FKBP5: variants seen among roughly 807,000 people sequenced by gnomAD.
FKBP5 encodes the protein FKBP prolyl isomerase 5.
A neutral mutation model predicts 50.5 loss-of-function variants in FKBP5; 23 were observed. That is an observed-to-expected ratio of 0.46 (90% confidence interval 0.33 to 0.65). The LOEUF (loss-of-function observed/expected upper bound fraction) is 0.65. FKBP5 is among the 30% of genes least tolerant of loss of function. FKBP5 has a pLI of 0.02. For synonymous variants in FKBP5, 176 were observed against 190.6 expected (o/e 0.92, Z 0.63); for missense variants, 411 against 553.1 (o/e 0.74, Z 2.58).
At chr6:35,688,418 G>A (rs1211202440) in intron 1 of FKBP5, among the ~76,000 whole-genome samples, 1 of 152,062 alleles carries the variant, frequency 6.6e-6, no homozygotes, top group Non-Finnish European at 1.5e-5. Flanking sequence ...GACCGGAGGC[G>A]GAGCGGGACC....
At chr6:35,576,020 C>G in intron 10 of FKBP5, 78 bp from the exon 11 acceptor site, 1 of 1,012,456 alleles carries the variant, frequency 9.9e-7, no homozygotes, top group Non-Finnish European at 1.6e-6. Flanking sequence ...GACTGTGTAT[C>G]AGGTCCCAAA....
intron 5 of FKBP5, among the ~76,000 whole-genome samples, chr6:35,602,269 T>TA (rs1763169306): frequency 6.6e-6 from 1 of 152,016 alleles, no homozygotes; most frequent in Non-Finnish European, 1.5e-5. Context: ...CTCCATAACT[T>TA]AAAAAACAAA....
At chr6:35,581,820 A>G in intron 8 of FKBP5, 1 of 985,462 alleles carries the variant, frequency 1.0e-6, no homozygotes, top group African/African-American at 1.7e-5. Context: ...CATTAAATTC[A>G]ATGCCTGACC....
chr6:35,722,960 G>A (rs373091625), intron 1 of FKBP5, among the ~76,000 whole-genome samples: 14 of 152,220 alleles, frequency 9.2e-5, no homozygotes, highest in Admixed American at 3.9e-4. Context: ...ATGGCCGGGC[G>A]CGATGGCTCA....
rs147067282 is a variant in FKBP5 at position 35,602,387 on chromosome 6, C to T, written c.509-4983G>A. Among the ~76,000 whole-genome samples, 14 of 152,150 alleles carry T rather than the reference C, an allele frequency of 9.2e-5. No individual in the cohort carries two copies. In the East Asian group the frequency reaches 2.7e-3, roughly 29 times the overall value. On this transcript the variant is annotated intron_variant, in intron 5 of 10. Coordinates refer to ENST00000357266, the MANE Select transcript of FKBP5 (RefSeq NM_004117.4). The stretch of plus-strand genomic sequence containing the variant: ...GGTGTCTGATAGCTTTGCACTCATT[C>T]TCAAAACAATTACTGGGTCATGAGG...
chr6:35,615,154 C>CACACACA (rs1554132893), intron 5 of FKBP5, among the ~76,000 whole-genome samples: 3 of 64,746 alleles, frequency 4.6e-5, no homozygotes, highest in African/African-American at 1.5e-4. Flanking sequence ...ACAACAACAA[C>CACACACA]TACACACACA....
intron 1 of FKBP5, among the ~76,000 whole-genome samples, chr6:35,685,345 A>C (rs911778419): frequency 1.3e-5 from 2 of 152,228 alleles, no homozygotes; most frequent in Non-Finnish European, 2.9e-5. Flanking sequence ...TAGTTATGTG[A>C]CATACATACC....
At chr6:35,678,398 T>C (rs531088776) in intron 1 of FKBP5, among the ~76,000 whole-genome samples, 34 of 152,256 alleles carry the variant, frequency 2.2e-4, no homozygotes, top group African/African-American at 7.7e-4. Flanking sequence ...ACTGCAATGA[T>C]GAAGGTTTTA....
chr6:35,683,826 C>A (rs961888751), intron 1 of FKBP5, among the ~76,000 whole-genome samples: 1 of 151,588 alleles, frequency 6.6e-6, no homozygotes, highest in Non-Finnish European at 1.5e-5. Flanking sequence ...TCGAGGCAGG[C>A]GGATCACCTA....
intron 1 of FKBP5, among the ~76,000 whole-genome samples, chr6:35,728,036 C>T (rs1390032299): frequency 1.3e-5 from 2 of 152,256 alleles, no homozygotes; most frequent in Non-Finnish European, 2.9e-5. Context: ...GGCTGCGCGC[C>T]GAGCGCAAGC....
rs35705649 is a variant in FKBP5, at chr6:35,582,732, C to CA, written c.841-2512dup. The CA allele has an allele frequency of 9.1e-4, 842 of 921,982 alleles. 1 individual carries two copies. The highest frequency in any genetic ancestry group is 3.1e-3 in the South Asian group (61 of 19,894). The allele number at this position is 921,982 out of a possible 1,614,324, so 57.1% of individuals were successfully genotyped here. A position where few individuals can be genotyped will look rare whatever the true frequency, so the allele number is the denominator to read the frequency against. ...CCTACCACTCCTTTTTTGGATGCTA[C>CA]AAAAAAAAAAGAATAAAGTCCTCAC... On this transcript the variant is annotated intron_variant, in intron 8 of 10. Coordinates refer to ENST00000357266, the MANE Select transcript of FKBP5 (RefSeq NM_004117.4).
At chr6:35,698,171 C>T (rs975915249) in intron 2 of FKBP5, among the ~76,000 whole-genome samples, 18 of 151,980 alleles carry the variant, frequency 1.2e-4, no homozygotes, top group South Asian at 4.2e-4. Context: ...GGTGAAACAC[C>T]GTCTCTATTA....
chr6:35,678,112 A>G (rs1210710436), intron 1 of FKBP5, among the ~76,000 whole-genome samples: 1 of 152,254 alleles, frequency 6.6e-6, no homozygotes, highest in Non-Finnish European at 1.5e-5. Flanking sequence ...ATAAAGAGAC[A>G]TAAAGTTAGA....
At chr6:35,684,857 T>C (rs1765778991) in intron 1 of FKBP5, among the ~76,000 whole-genome samples, 1 of 151,990 alleles carries the variant, frequency 6.6e-6, no homozygotes, top group Non-Finnish European at 1.5e-5. Context: ...TGAGACCTTA[T>C]CTCTACTAAA....
intron 2 of FKBP5, among the ~76,000 whole-genome samples, chr6:35,710,333 C>G (rs1766392048): frequency 6.6e-6 from 1 of 152,054 alleles, no homozygotes; most frequent in South Asian, 2.1e-4. Flanking sequence ...AAACAATTAA[C>G]TGGGCATGGT....
At chr6:35,684,341 G>A (rs991812078) in intron 1 of FKBP5, among the ~76,000 whole-genome samples, 2 of 151,864 alleles carry the variant, frequency 1.3e-5, no homozygotes, top group African/African-American at 2.4e-5. Flanking sequence ...ACCACACCTG[G>A]CTAACTTTTG....
At position 35,575,751 on chromosome 6, in the gene FKBP5, T is replaced by G; in HGVS notation, c.*84A>C. The G allele has an allele frequency of 1.1e-6, 1 of 943,490 alleles. No homozygotes were observed. Among genetic ancestry groups the G allele is most frequent in the South Asian group, 1.3e-5 (1 of 76,346 alleles). The allele number at this position is 943,490 out of a possible 1,614,324, so 58.4% of individuals were successfully genotyped here. A position where few individuals can be genotyped will look rare whatever the true frequency, so the allele number is the denominator to read the frequency against. On this transcript the variant is annotated 3_prime_UTR_variant, in exon 11 of 11. Transcript: ENST00000357266. ...ACATAGACTATAACAAACTTTACATTAAACACTGTTCTGTCCTGAGTTGGG... is the reference window on the plus strand; with the variant it reads ...ACATAGACTATAACAAACTTTACATGAAACACTGTTCTGTCCTGAGTTGGG...
intron 3 of FKBP5, among the ~76,000 whole-genome samples, chr6:35,621,197 T>C (rs1389254260): frequency 5.3e-5 from 8 of 152,266 alleles, no homozygotes; most frequent in Non-Finnish European, 1.2e-4. Context: ...TACTGCTCAA[T>C]TGTAGAACTA....
intron 3 of FKBP5, among the ~76,000 whole-genome samples, chr6:35,635,026 CAA>C (rs35794477): frequency 0.021 from 1,564 of 75,098 alleles, 30 homozygotes; most frequent in East Asian, 0.059. Flanking sequence ...CCTGTCTCTA[CAA>C]AAAAAAAAAA....
Sources: allele counts gnomAD v4.1 joint callset (sites outside exome capture counted in the v4.1 genomes callset), GRCh38; gene constraint gnomAD v4.1.1; transcripts MANE v1.5; gene names NCBI Gene and HGNC (gene_info 2026-07-23, HGNC 2026-07-21).